Variants in RPTOR observed in about 807,000 individuals in gnomAD.
The protein encoded by RPTOR is regulatory-associated protein of mTOR.
RPTOR carries 21 observed loss-of-function variants against 169.9 expected under a neutral mutation model. That is an observed-to-expected ratio of 0.12 (90% CI 0.09 to 0.18). The LOEUF (loss-of-function observed/expected upper bound fraction) is 0.18, where lower values mean the gene tolerates loss of function less well. RPTOR is among the 10% of genes least tolerant of loss of function. The pLI, the probability that RPTOR is intolerant of heterozygous loss-of-function variation, is 1.00. For missense variants in RPTOR, 1,133 were observed against 1,855.9 expected (o/e 0.61, Z 7.16); for synonymous variants, 732 against 753.2 (o/e 0.97, Z 0.46).
At position 80,699,021 on chromosome 17, in the gene RPTOR, TTGTC is replaced by T. The variant is rs1203833060; in HGVS notation, c.349-8817_349-8814del. Among the ~76,000 whole-genome samples, 4 of 152,304 alleles carry T rather than the reference TTGTC, an allele frequency of 2.6e-5. No homozygotes were observed. In the East Asian group the frequency reaches 5.8e-4, roughly 22 times the overall value. On this transcript the variant is annotated intron_variant, in intron 3 of 33. Transcript: ENST00000306801. ...TATGTGCATGGAGCAGCAGATCCCT[TTGTC>T]TGGGCAGTTAGATTGTCTGCTAAGG...
rs2065707934 is a variant in RPTOR at position 80,659,839 on chromosome 17, G to A, written c.348+16029G>A. ...TTAAAAAATTTTTTTGTAGAGATAA[G>A]GTCTTGCTCTGTTGCTCAGGCTGGT... On this transcript the variant is annotated intron_variant, in intron 3 of 33. Coordinates refer to ENST00000306801, the MANE Select transcript of RPTOR (RefSeq NM_020761.3). This position sits in a 1 kb window ranked among gnomAD's most constrained non-coding sequence, Gnocchi z 4.3. Among the ~76,000 whole-genome samples the A allele has an allele frequency of 6.6e-6, 1 of 152,106 alleles. No homozygotes were observed. The highest frequency in any genetic ancestry group is 2.4e-5 in the African/African-American group (1 of 41,410).
At chr17:80,938,503 A>G (rs1259246416) in intron 24 of RPTOR, among the ~76,000 whole-genome samples, 1 of 152,172 alleles carries the variant, frequency 6.6e-6, no homozygotes, top group East Asian at 1.9e-4. Context: ...TATGTTATTT[A>G]CCATTTGTCA....
chr17:80,740,120 C>CCTAA (rs1359594334), intron 5 of RPTOR, among the ~76,000 whole-genome samples: 1 of 152,200 alleles, frequency 6.6e-6, no homozygotes, highest in African/African-American at 2.4e-5. Flanking sequence ...AACAACTTTA[C>CCTAA]ACTCTTAAAT....
chr17:80,692,322 ATGT>A (rs1567860371), intron 3 of RPTOR, among the ~76,000 whole-genome samples: 3 of 131,116 alleles, frequency 2.3e-5, no homozygotes, highest in Non-Finnish European at 5.1e-5. Flanking sequence ...ATGTTATGTT[ATGT>A]TATGTTATTT....
chr17:80,753,490 G>A (rs1459453919), intron 5 of RPTOR, among the ~76,000 whole-genome samples: 6 of 151,718 alleles, frequency 4.0e-5, no homozygotes, highest in South Asian at 2.1e-4. Context: ...AAAATTAGCC[G>A]GGCATGGTGG....
At chr17:80,745,793 C>T (rs1467620937) in intron 5 of RPTOR, among the ~76,000 whole-genome samples, 3 of 152,158 alleles carry the variant, frequency 2.0e-5, no homozygotes, top group African/African-American at 7.2e-5. Flanking sequence ...GTTGTTAGTA[C>T]CGTATCTCAT....
chr17:80,960,616 A>G lies in RPTOR; in HGVS notation c.3605+411A>G, dbSNP rs1598427223. 2 of 238,134 alleles carry G rather than the reference A, an allele frequency of 8.4e-6. No individual in the cohort carries two copies. Among genetic ancestry groups the G allele is most frequent in the East Asian group, 1.8e-4 (2 of 10,848 alleles). The allele number at this position is 238,134 out of a possible 1,614,324, so 14.8% of individuals were successfully genotyped here. On this transcript the variant is annotated intron_variant, in intron 30 of 33. Transcript: ENST00000306801. This position sits in a 1 kb window ranked among gnomAD's most constrained non-coding sequence, Gnocchi z 4.8. ...GCAAGTGTCTGGGGAGGGATGTCTG[A>G]GGGCACACACGTGGGCACAGCAGCC...
At chr17:80,580,387 G>T (rs939847131) in intron 1 of RPTOR, among the ~76,000 whole-genome samples, 2 of 152,168 alleles carry the variant, frequency 1.3e-5, no homozygotes, top group African/African-American at 4.8e-5. Flanking sequence ...GTGCCCGCTC[G>T]TGGGGTCTGA....
chr17:80,645,711 A>C (rs948306252), intron 3 of RPTOR, among the ~76,000 whole-genome samples: 2 of 152,200 alleles, frequency 1.3e-5, no homozygotes. Context: ...CTACGAGCAG[A>C]TCTCTCCATG....
intron 7 of RPTOR, among the ~76,000 whole-genome samples, chr17:80,800,278 G>C (rs2067143965): frequency 6.6e-6 from 1 of 152,168 alleles, no homozygotes. Context: ...GACGTGGGGA[G>C]GTTTCGTTCC....
intron 2 of RPTOR, among the ~76,000 whole-genome samples, chr17:80,634,470 G>T (rs571146006): frequency 6.9e-6 from 1 of 144,674 alleles, no homozygotes; most frequent in African/African-American, 2.6e-5. Context: ...TAGTGTGTGC[G>T]TGTGCATACT....
At chr17:80,783,809 G>A (rs9901390) in intron 6 of RPTOR, among the ~76,000 whole-genome samples, 2,118 of 152,260 alleles carry the variant, frequency 0.014, 52 homozygotes, top group African/African-American at 0.048. Flanking sequence ...TAGCACGGAG[G>A]GCCACTATGA....
rs768087793 is a variant in RPTOR, at chr17:80,651,607, G to T, written c.348+7797G>T. On this transcript the variant is annotated intron_variant, in intron 3 of 33. Transcript: ENST00000306801. The surrounding 1 kb of genome is among the most constrained non-coding windows in gnomAD (Gnocchi z 4.1). Reference sequence around the variant, plus strand: ...TTTAAAGTGTACAACTTGGCTGGGCGCAGTGGCTCGCGCCTGTAATCCTAG... The same window carrying T: ...TTTAAAGTGTACAACTTGGCTGGGCTCAGTGGCTCGCGCCTGTAATCCTAG... 2.6e-5 allele frequency among the ~76,000 whole-genome samples: 4 copies of T among 152,314 alleles called. No individual in the cohort carries two copies. The highest frequency in any genetic ancestry group is 6.5e-5 in the Admixed American group (1 of 15,298).
At chr17:80,716,506 C>T (rs2066240762) in intron 4 of RPTOR, among the ~76,000 whole-genome samples, 1 of 151,056 alleles carries the variant, frequency 6.6e-6, no homozygotes, top group Non-Finnish European at 1.5e-5. Context: ...GATTTTCTCT[C>T]ACTCTGTGGG....
chr17:80,863,690 A>G (rs556317959), intron 13 of RPTOR, among the ~76,000 whole-genome samples: 20 of 152,346 alleles, frequency 1.3e-4, no homozygotes, highest in African/African-American at 3.6e-4. Flanking sequence ...TGAGGCAGAC[A>G]GATCACTTGA....
chr17:80,762,698 G>A (rs1033970713), intron 6 of RPTOR, among the ~76,000 whole-genome samples: 1 of 152,170 alleles, frequency 6.6e-6, no homozygotes. Context: ...GGATTGAAAA[G>A]CAACATTATG....
In RPTOR at chr17:80,701,712, A is replaced by G. The variant is rs531049394; in HGVS notation, c.349-6129A>G. 2.6e-5 allele frequency among the ~76,000 whole-genome samples: 4 copies of G among 152,330 alleles called. No individual in the cohort carries two copies. In the East Asian group the frequency reaches 7.7e-4, roughly 29 times the overall value. ...TTGACCTGCTATTCATTGCTATAGG[A>G]TGGGAGGATGGCAGCGATATCACTT... On this transcript the variant is annotated intron_variant, in intron 3 of 33. Transcript: ENST00000306801.
chr17:80,607,859 A>AT (rs986039858), intron 1 of RPTOR, among the ~76,000 whole-genome samples: 2 of 152,088 alleles, frequency 1.3e-5, no homozygotes, highest in Non-Finnish European at 2.9e-5. Flanking sequence ...TGTATACATA[A>AT]TTTTTATTAT....
intron 7 of RPTOR, among the ~76,000 whole-genome samples, chr17:80,815,732 C>T (rs1270576754): frequency 1.3e-5 from 2 of 152,254 alleles, no homozygotes; most frequent in Non-Finnish European, 2.9e-5. Flanking sequence ...GTAAGGGATT[C>T]GTTGAGCACC....
Sources: allele counts gnomAD v4.1 joint callset (sites outside exome capture counted in the v4.1 genomes callset), GRCh38; gene constraint gnomAD v4.1.1; non-coding constraint Gnocchi (gnomAD v3.1); transcripts MANE v1.5; gene names NCBI Gene and HGNC (gene_info 2026-07-23, HGNC 2026-07-21).